The following RHCE variants were observed in gnomAD, a reference collection of about 807,000 sequenced individuals.
RHCE encodes the protein Rh blood group CcEe antigens.
Under a neutral mutation model 43.8 loss-of-function variants are expected in RHCE, and 22 were observed. The ratio of observed to expected loss-of-function variants is 0.50; its 90% CI spans 0.36 to 0.72. The LOEUF (loss-of-function observed/expected upper bound fraction) is 0.72, where lower values mean the gene tolerates loss of function less well. RHCE is among the 30% of genes least tolerant of loss of function. The pLI is 0.00. For synonymous variants in RHCE, 156 were observed against 210.7 expected (o/e 0.74, Z 2.25); for missense variants, 385 against 525.4 (o/e 0.73, Z 2.61).
At chr1:25,386,842 A>AACACACACACACAC (rs3079633) in intron 6 of RHCE, among the ~76,000 whole-genome samples, 5 of 138,794 alleles carry the variant, frequency 3.6e-5, no homozygotes, top group African/African-American at 1.4e-4. Flanking sequence ...ACAACAACAA[A>AACACACACACACAC]ACACACACAC....
intron 3 of RHCE, among the ~76,000 whole-genome samples, chr1:25,402,190 G>GTCTA (rs1407388387): frequency 7.5e-6 from 1 of 133,354 alleles, no homozygotes; most frequent in African/African-American, 2.7e-5. Flanking sequence ...CTGTCTGTCT[G>GTCTA]TCTGTCTGTC....
Position 25,379,484 on chromosome 1 carries a change from TATATATATA to T in RHCE, c.1074-4065_1074-4057del, listed in dbSNP as rs1298685245. Among the ~76,000 whole-genome samples, 57 of 16,716 alleles carry T rather than the reference TATATATATA, an allele frequency of 3.4e-3. 1 individual carries two copies. Among genetic ancestry groups the T allele is most frequent in the Non-Finnish European group, 3.5e-3 (42 of 11,940 alleles). The allele number at this position is 16,716 out of a possible 152,430, so 11.0% of individuals were successfully genotyped here. On this transcript the variant is annotated intron_variant, in intron 7 of 9. Coordinates refer to ENST00000294413, the MANE Select transcript of RHCE (RefSeq NM_020485.8). ...ATATATATATATATATATATATATATATATATATATATTTTTTTTTTTTTTTTTTTTTTT... is the reference window on the plus strand; with the variant it reads ...ATATATATATATATATATATATATATTATTTTTTTTTTTTTTTTTTTTTTT...
chr1:25,402,584 A>G lies in RHCE; in HGVS notation c.486+12T>C, dbSNP rs1557630475. ...TTTCTCCCAGGTCCCTCCTCCCAGC[A>G]CCATGACTCACGTTGAAGATATTAC... is the stretch of plus-strand genomic sequence containing the variant. On this transcript the variant is annotated intron_variant, in intron 3 of 9. Coordinates refer to ENST00000294413, the MANE Select transcript of RHCE (RefSeq NM_020485.8). 1 of 1,613,982 alleles carries G rather than the reference A, an allele frequency of 6.2e-7. No individual in the cohort carries two copies. Among genetic ancestry groups the G allele is most frequent in the Non-Finnish European group, 8.5e-7 (1 of 1,180,002 alleles).
At chr1:25,382,886 T>C (rs1243117425) in intron 7 of RHCE, among the ~76,000 whole-genome samples, 2 of 152,212 alleles carry the variant, frequency 1.3e-5, no homozygotes. Context: ...TTTCTCCAAA[T>C]AGACTTATTT....
rs623103 is a variant in RHCE, at chr1:25,390,185, T to C, written c.801+564A>G. ...TGCCCACAAGACTCACACACACCAT[T>C]GTCTCTCTGTACTAATAGCAGCAGC... is the stretch of plus-strand genomic sequence containing the variant. On this transcript the variant is annotated intron_variant, in intron 5 of 9. Transcript: ENST00000294413. 5.2e-3 allele frequency among the ~76,000 whole-genome samples: 791 copies of C among 152,080 alleles called. 23 individuals are homozygous for C. Among genetic ancestry groups the C allele is most frequent in the Admixed American group, 0.041 (632 of 15,274 alleles).
intron 2 of RHCE, among the ~76,000 whole-genome samples, chr1:25,406,827 G>C (rs1406169575): frequency 1.7e-5 from 2 of 117,206 alleles, no homozygotes; most frequent in African/African-American, 5.2e-5. Context: ...GGGTTTCTCC[G>C]AGTTAGCCAG....
intron 7 of RHCE, among the ~76,000 whole-genome samples, chr1:25,379,477 ATATATATATATATATATATTTT>A (rs1233067654): frequency 3.0e-4 from 4 of 13,456 alleles, no homozygotes; most frequent in Non-Finnish European, 4.9e-4. Flanking sequence ...ATATATATAT[ATATATATATATATATATATTTT>A]TTTTTTTTTT....
intron 8 of RHCE, among the ~76,000 whole-genome samples, chr1:25,372,037 G>A (rs1645625526): frequency 6.6e-6 from 1 of 151,330 alleles, no homozygotes; most frequent in South Asian, 2.1e-4. Flanking sequence ...AGGAATATCT[G>A]TCTAAAATAT....
chr1:25,416,555 A>G, intron 1 of RHCE, among the ~76,000 whole-genome samples: 1 of 151,882 alleles, frequency 6.6e-6, no homozygotes, highest in East Asian at 1.9e-4. Flanking sequence ...GAGCCACCGC[A>G]CCCAGCCTTT....
chr1:25,413,642 T>C (rs867584316), intron 1 of RHCE, among the ~76,000 whole-genome samples: 4 of 151,436 alleles, frequency 2.6e-5, no homozygotes, highest in Admixed American at 6.6e-5. Flanking sequence ...ATACTCACCA[T>C]TGTTGTAACA....
rs1269050822 is a variant in RHCE at position 25,406,265 on chromosome 1, GT to G, written c.335+2417del. Among the ~76,000 whole-genome samples, 4 of 121,554 alleles carry G rather than the reference GT, an allele frequency of 3.3e-5. 1 individual carries two copies. The highest frequency in any genetic ancestry group is 1.0e-4 in the African/African-American group (4 of 39,268). The allele number at this position is 121,554 out of a possible 152,430, so 79.7% of individuals were successfully genotyped here. On this transcript the variant is annotated intron_variant, in intron 2 of 9. Coordinates refer to ENST00000294413, the MANE Select transcript of RHCE (RefSeq NM_020485.8). ...TGCGTGCGTGCGTGTGTGTGTGTGTGTGTGTGTGTGTATTGAATCCCGGTGG... is the reference window on the plus strand; with the variant it reads ...TGCGTGCGTGCGTGTGTGTGTGTGTGGTGTGTGTGTATTGAATCCCGGTGG...
intron 1 of RHCE, among the ~76,000 whole-genome samples, chr1:25,414,921 G>A (rs374078477): frequency 6.6e-5 from 10 of 152,162 alleles, no homozygotes; most frequent in African/African-American, 1.2e-4. Flanking sequence ...TTAAAAGGTT[G>A]CTATTTTAAG....
intron 5 of RHCE, among the ~76,000 whole-genome samples, chr1:25,390,502 C>T (rs1186295964): frequency 6.6e-6 from 1 of 152,210 alleles, no homozygotes; most frequent in Non-Finnish European, 1.5e-5. Flanking sequence ...AGGTCTGTTT[C>T]ATGTTAGCAT....
rs535808772 is a variant in RHCE, at chr1:25,384,650, G to A, written c.1073+1061C>T. 3.9e-5 allele frequency among the ~76,000 whole-genome samples: 6 copies of A among 152,242 alleles called. No individual in the cohort carries two copies. In the East Asian group the frequency reaches 1.2e-3, roughly 29 times the overall value. On this transcript the variant is annotated intron_variant, in intron 7 of 9. Transcript: ENST00000294413. The stretch of plus-strand genomic sequence containing the variant: ...CACTGATATGTGATCCCTATAATTT[G>A]GGGCTATGGTTGTCTCTGTAGAAGG...
At chr1:25,422,127 C>A (rs2042766997), upstream of RHCE, among the ~76,000 whole-genome samples, 1 of 152,180 alleles carries the variant, frequency 6.6e-6, no homozygotes, top group Admixed American at 6.5e-5. Flanking sequence ...TACCTAAGGT[C>A]ATCTAGTCAC....
intron 7 of RHCE, among the ~76,000 whole-genome samples, chr1:25,382,305 T>C (rs1646025634): frequency 6.7e-6 from 1 of 149,574 alleles, no homozygotes; most frequent in African/African-American, 2.6e-5. Context: ...TGACTGATGC[T>C]GTTAGAAGTC....
At chr1:25,404,041 G>A (rs1646837704) in intron 2 of RHCE, among the ~76,000 whole-genome samples, 1 of 150,606 alleles carries the variant, frequency 6.6e-6, no homozygotes, top group African/African-American at 2.4e-5. Flanking sequence ...GGTGGTGCAT[G>A]CTTGTAATCC....
At chr1:25,415,286 A>G (rs1647297817) in intron 1 of RHCE, among the ~76,000 whole-genome samples, 1 of 152,200 alleles carries the variant, frequency 6.6e-6, no homozygotes, top group South Asian at 2.1e-4. Flanking sequence ...AAAATGCTCA[A>G]TACAATCACC....
intron 1 of RHCE, among the ~76,000 whole-genome samples, chr1:25,413,499 T>C (rs1221801187): frequency 6.6e-6 from 1 of 152,260 alleles, no homozygotes; most frequent in Non-Finnish European, 1.5e-5. Flanking sequence ...GTGGATGTCC[T>C]ACCCGGGCGC....
Sources: allele counts gnomAD v4.1 joint callset (sites outside exome capture counted in the v4.1 genomes callset), GRCh38; gene constraint gnomAD v4.1.1; transcripts MANE v1.5; gene names NCBI Gene and HGNC (gene_info 2026-07-23, HGNC 2026-07-21).